SPATA31C2: variants seen among roughly 807,000 people sequenced by gnomAD.
SPATA31C2 encodes spermatogenesis-associated protein 31C2.
SPATA31C2 carries 5 observed loss-of-function variants against 11.4 expected under a neutral mutation model. The observed-to-expected ratio is 0.44, with a 90% CI of 0.23 to 0.92. The LOEUF is 0.92. SPATA31C2 is among the 40% of genes least tolerant of loss of function. SPATA31C2 has a pLI of 0.24. For synonymous variants in SPATA31C2, 515 were observed against 538.7 expected (o/e 0.96, Z 0.61); for missense variants, 1,353 against 1,368.6 (o/e 0.99, Z 0.18).
Position 88,131,950 on chromosome 9 carries a change from C to T in SPATA31C2, c.1087G>A (p.Val363Ile), listed in dbSNP as rs779742712. 1 of 1,610,844 alleles carries T rather than the reference C, an allele frequency of 6.2e-7. No homozygotes were observed. The highest frequency in any genetic ancestry group is 1.3e-5 in the African/African-American group (1 of 74,860). Reference protein sequence around the residue: ...AQAHLQSSFPVLSPAFLSPMK... With the variant: ...AQAHLQSSFPILSPAFLSPMK... ...GGGGATAGAAAAGCAGGAGATAGGA[C>T]TGGGAAAGAGGATTGAAGATGGGCC... The change falls in exon 4 of 4, where the codon GTC becomes ATC. Residue 363 changes from valine (V) to isoleucine (I), a missense_variant. By Grantham distance (29) the Val-to-Ile change is conservative. Transcript: ENST00000324915.
chr9:88,134,023 G>A (rs1332286267), intron 1 of SPATA31C2, among the ~76,000 whole-genome samples: 27 of 151,192 alleles, frequency 1.8e-4, no homozygotes, highest in Non-Finnish European at 2.4e-4. Context: ...GCGTGGTGGC[G>A]GGCGCCTGTA....
Position 88,130,872 on chromosome 9 carries a change from T to G in SPATA31C2, c.2165A>C (p.Lys722Thr). 6.2e-7 allele frequency: 1 copy of G among 1,613,712 alleles called. No homozygotes were observed. The highest frequency in any genetic ancestry group is 8.5e-7 in the Non-Finnish European group (1 of 1,179,866). Residue 722 changes from lysine (K) to threonine (T), a missense_variant, in exon 4 of 4, where the codon AAA becomes ACA. Coordinates refer to ENST00000324915, the MANE Select transcript of SPATA31C2 (RefSeq NM_001350978.3). ...MASLRKQVLT[K>T]PSVHMPERLQ... is the part of the protein sequence containing the mutation. Reference sequence around the variant, plus strand: ...CCTCTCTGGCATGTGAACAGATGGTTTGGTCAGCACCTGCTTTCTCAGACT... The same window carrying G: ...CCTCTCTGGCATGTGAACAGATGGTGTGGTCAGCACCTGCTTTCTCAGACT...
intron 1 of SPATA31C2, among the ~76,000 whole-genome samples, 187 bp from the exon 2 acceptor site, chr9:88,133,856 A>AG (rs1469097680): frequency 6.6e-6 from 1 of 152,132 alleles, no homozygotes; most frequent in Non-Finnish European, 1.5e-5. Context: ...AAACAGGAAG[A>AG]GGGGGTCGGG....
Position 88,131,677 on chromosome 9 carries a change from C to G in SPATA31C2, c.1360G>C (p.Glu454Gln). 4.3e-6 allele frequency: 7 copies of G among 1,612,018 alleles called. No homozygotes were observed. The highest frequency in any genetic ancestry group is 4.2e-6 in the Non-Finnish European group (5 of 1,179,860). Residue 454 changes from glutamate (E) to glutamine (Q), a missense_variant, in exon 4 of 4, where the codon GAG (glutamate) becomes CAG (glutamine). Physicochemically the swap from Glu to Gln is conservative, Grantham distance 29 (BLOSUM62 2). Coordinates refer to ENST00000324915, the MANE Select transcript of SPATA31C2 (RefSeq NM_001350978.3). The stretch of plus-strand genomic sequence containing the variant: ...CTTCCACGTTGCCCCATGTGTTGCT[C>G]CAGTTGTCTCCAGAGTTCAGGACTG... Reference protein sequence around the residue: ...PVSPELWRQLEQHMGQRGRIQ... With the variant: ...PVSPELWRQLQQHMGQRGRIQ...
chr9:88,133,651 G>T lies in SPATA31C2; in HGVS notation c.208C>A (p.Arg70Ser), dbSNP rs367674816. Residue 70 changes from arginine to serine, a missense_variant, in exon 2 of 4, where the codon CGT (arginine) becomes AGT (serine). This residue lies in a region of SPATA31C2 where 67 missense variants were observed against 41.4 expected (regional missense o/e 1.62). Transcript: ENST00000324915. Reference protein sequence around the residue: ...RKRKRHLVSQRPAGRRGRPRG... With the variant: ...RKRKRHLVSQSPAGRRGRPRG... ...GGCCTCCCCCTCCGCCCTGCTGGAC[G>T]CTGGGAGACAAGATGACGCTGGGAG... is the stretch of plus-strand genomic sequence containing the variant. 31 of 1,440,354 alleles carry T rather than the reference G, an allele frequency of 2.2e-5. No individual in the cohort carries two copies. Among genetic ancestry groups the T allele is most frequent in the Non-Finnish European group, 2.7e-5 (29 of 1,084,504 alleles). The allele number at this position is 1,440,354 out of a possible 1,614,324, so 89.2% of individuals were successfully genotyped here. A position where few individuals can be genotyped will look rare whatever the true frequency, so the allele number is the denominator to read the frequency against.
Position 88,129,635 on chromosome 9 carries a change from C to T in SPATA31C2, c.3402G>A (p.Gln1134=). 6.2e-7 allele frequency: 1 copy of T among 1,602,978 alleles called. No individual in the cohort carries two copies. Among genetic ancestry groups the T allele is most frequent in the Non-Finnish European group, 8.5e-7 (1 of 1,172,842 alleles). The change falls in exon 4 of 4, where the codon CAG becomes CAA. Residue 1134 remains glutamine (Q), a synonymous_variant. Coordinates refer to ENST00000324915, the MANE Select transcript of SPATA31C2 (RefSeq NM_001350978.3). ...TGCACCGGACACTTTTCAAGGGCTA[C>T]TGATCTCTGATTTGTCTGTCTCTGT... ...RPNRDRQIRD[Q]
Position 88,130,060 on chromosome 9 carries a change from C to T in SPATA31C2, c.2977G>A (p.Gly993Ser). The T allele has an allele frequency of 1.9e-6, 3 of 1,608,122 alleles. No homozygotes were observed. The highest frequency in any genetic ancestry group is 2.5e-6 in the Non-Finnish European group (3 of 1,177,160). The change falls in exon 4 of 4, where the codon GGC (glycine) becomes AGC (serine). Residue 993 changes from glycine to serine, a missense_variant. Around this residue, in one of 6 missense-constraint regions of SPATA31C2, gnomAD observed 187 missense variants for 205.8 expected, o/e 0.91. Transcript: ENST00000324915. ...RKTEDTRQNEGVQLLPSKKQP... is the reference protein window; with the variant it reads ...RKTEDTRQNESVQLLPSKKQP... ...TTCTTTGATGGCAGTAGCTGGACGC[C>T]TTCATTCTGACGGGTGTCTTCTGTT...
intron 1 of SPATA31C2, among the ~76,000 whole-genome samples, chr9:88,134,015 G>A (rs1436861237): frequency 2.0e-5 from 3 of 151,388 alleles, no homozygotes; most frequent in Non-Finnish European, 2.9e-5. Context: ...TTAGCCAGGC[G>A]TGGTGGCGGG....
rs376256695 is a variant in SPATA31C2 at position 88,130,384 on chromosome 9, C to T, written c.2653G>A (p.Ala885Thr). ...ATVVLLPDGQ[A>T]SVVPHASENL... ...TCTGAAGCATGGGGCACAACAGATGCTTGCCCATCTGGAAGGAGCACAACA... is the reference window on the plus strand; with the variant it reads ...TCTGAAGCATGGGGCACAACAGATGTTTGCCCATCTGGAAGGAGCACAACA... Residue 885 changes from alanine (A) to threonine (T), a missense_variant, in exon 4 of 4, where the codon GCA (alanine) becomes ACA (threonine). Physicochemically the swap from Ala to Thr is moderately conservative, Grantham distance 58 (BLOSUM62 0). Transcript: ENST00000324915. 2.4e-5 allele frequency: 38 copies of T among 1,611,192 alleles called. No homozygotes were observed. The African/African-American group carries it at 4.7e-4, about 20-fold the overall frequency.
rs752678468 is a variant in SPATA31C2, at chr9:88,130,784, C to T, written c.2253G>A (p.Ser751=). 1.2e-4 allele frequency: 198 copies of T among 1,612,500 alleles called. No individual in the cohort carries two copies. Among genetic ancestry groups the T allele is most frequent in the Non-Finnish European group, 1.4e-4 (165 of 1,179,368 alleles). ...GAGCCTTCAAGGACCCATGATCATT[C>T]GAAGATGGGATCCCTCGCGGGGCCC... ...FQRAPRGIPS[S]NDHGSLKAPT... is the part of the protein sequence containing the mutation. Residue 751 remains serine (S), a synonymous_variant, in exon 4 of 4, where the codon TCG becomes TCA. Transcript: ENST00000324915.
rs1825608875 is a variant in SPATA31C2 at position 88,132,138 on chromosome 9, T to C, written c.899A>G (p.Asn300Ser). Residue 300 changes from asparagine (N) to serine (S), a missense_variant, in exon 4 of 4, where the codon AAC (asparagine) becomes AGC (serine). By Grantham distance (46) the Asn-to-Ser change is conservative. Around this residue, in one of 6 missense-constraint regions of SPATA31C2, gnomAD observed 1,075 missense variants for 992.8 expected, o/e 1.08. Coordinates refer to ENST00000324915, the MANE Select transcript of SPATA31C2 (RefSeq NM_001350978.3). ...AAGATGATCTTGCTGGACTGACGAG[T>C]TGAAGACGCACCAGGTTTTGGTAGT... is the stretch of plus-strand genomic sequence containing the variant. Reference protein sequence around the residue: ...QETTKTWCVFNSSVQQDHLSR... With the variant: ...QETTKTWCVFSSSVQQDHLSR... 1.9e-6 allele frequency: 3 copies of C among 1,610,520 alleles called. No homozygotes were observed. The highest frequency in any genetic ancestry group is 1.7e-6 in the Non-Finnish European group (2 of 1,177,552).
Position 88,132,061 on chromosome 9 carries a change from G to C in SPATA31C2, c.976C>G (p.Leu326Val). 1 of 1,610,838 alleles carries C rather than the reference G, an allele frequency of 6.2e-7. No homozygotes were observed. The highest frequency in any genetic ancestry group is 8.5e-7 in the Non-Finnish European group (1 of 1,177,678). ...TGGGACTCAGGCTCCAGATGGGACA[G>C]GGGCTGGGCCTGGAAAAGCAGTGGG... ...MSPLLFQAQP[L>V]SHLEPESQPF... Residue 326 changes from leucine (L) to valine (V), a missense_variant, in exon 4 of 4, where the codon CTG (leucine) becomes GTG (valine). Physicochemically the swap from Leu to Val is conservative, Grantham distance 32. This residue lies in a region of SPATA31C2 where 1,075 missense variants were observed against 992.8 expected (regional missense o/e 1.08). Transcript: ENST00000324915.
At chr9:88,137,326 T>TA (rs61693744) in intron 1 of SPATA31C2, among the ~76,000 whole-genome samples, 34,218 of 140,460 alleles carry the variant, frequency 0.24, 3,605 homozygotes, top group East Asian at 0.34. Context: ...ATGTCTTTAT[T>TA]AAAAAAAAAA....
Position 88,130,978 on chromosome 9 carries a change from C to T in SPATA31C2, c.2059G>A (p.Gly687Ser), listed in dbSNP as rs548723809. The stretch of plus-strand genomic sequence containing the variant: ...GATTCGCAGGTGTCTGAGGAGGGAC[C>T]AGCAAGCTGTATAAGGGACAAGGAT... ...VSSLSLIQLAGPSSDTCESGA... is the reference protein window; with the variant it reads ...VSSLSLIQLASPSSDTCESGA... The change falls in exon 4 of 4, where the codon GGT (glycine) becomes AGT (serine). Residue 687 changes from glycine (G) to serine (S), a missense_variant. By Grantham distance (56) the Gly-to-Ser change is moderately conservative. This residue lies in a region of SPATA31C2 where 1,075 missense variants were observed against 992.8 expected (regional missense o/e 1.08). Coordinates refer to ENST00000324915, the MANE Select transcript of SPATA31C2 (RefSeq NM_001350978.3). 7 of 1,612,652 alleles carry T rather than the reference C, an allele frequency of 4.3e-6. No homozygotes were observed. Among genetic ancestry groups the T allele is most frequent in the African/African-American group, 4.0e-5 (3 of 74,990 alleles).
chr9:88,137,363 G>A (rs1435094424), intron 1 of SPATA31C2, among the ~76,000 whole-genome samples: 1 of 146,598 alleles, frequency 6.8e-6, no homozygotes, highest in Non-Finnish European at 1.5e-5. Context: ...GGTGGCTCAT[G>A]CCTGTAATCC....
chr9:88,133,987 C>T (rs531722157), intron 1 of SPATA31C2, among the ~76,000 whole-genome samples: 1 of 152,014 alleles, frequency 6.6e-6, no homozygotes, highest in South Asian at 2.1e-4. Flanking sequence ...AACCCCATCT[C>T]TACTAAAAAT....
In SPATA31C2 at chr9:88,131,064, C is replaced by T. The variant is rs756624036; in HGVS notation, c.1973G>A (p.Arg658Lys). ...GAGGACCCTGAGGGGTAGACCCCAC[C>T]TGTGTTTGGCCCAAAACCTCACAAT... The part of the protein sequence containing the change: ...AHIVRFWAKH[R>K]WGLPLRVLKP... The change falls in exon 4 of 4, where the codon AGG (arginine) becomes AAG (lysine). Residue 658 changes from arginine to lysine, a missense_variant. This residue lies in a region of SPATA31C2 where 1,075 missense variants were observed against 992.8 expected (regional missense o/e 1.08). Transcript: ENST00000324915. 1.9e-6 allele frequency: 3 copies of T among 1,612,034 alleles called. No homozygotes were observed. Among genetic ancestry groups the T allele is most frequent in the Non-Finnish European group, 2.5e-6 (3 of 1,179,866 alleles).
rs1417140067 is a variant in SPATA31C2 at position 88,132,337 on chromosome 9, G to C, written c.700C>G (p.Pro234Ala). The C allele has an allele frequency of 6.2e-7, 1 of 1,611,030 alleles. No homozygotes were observed. The highest frequency in any genetic ancestry group is 8.5e-7 in the Non-Finnish European group (1 of 1,177,928). Residue 234 changes from proline (P) to alanine (A), a missense_variant, in exon 4 of 4, where the codon CCC becomes GCC. Transcript: ENST00000324915. Reference sequence around the variant, plus strand: ...GTTAACAGAGTGGAGTCCCGCAGGGGAGGAGGAGTGAAGCCTTTCGGAGGA... The same window carrying C: ...GTTAACAGAGTGGAGTCCCGCAGGGCAGGAGGAGTGAAGCCTTTCGGAGGA... Reference protein sequence around the residue: ...PPPPKGFTPPPLRDSTLLTPS... With the variant: ...PPPPKGFTPPALRDSTLLTPS...
chr9:88,135,664 A>ATGTG, intron 1 of SPATA31C2, among the ~76,000 whole-genome samples: 1 of 134,736 alleles, frequency 7.4e-6, no homozygotes, highest in African/African-American at 3.1e-5. Context: ...GGCGCCCACC[A>ATGTG]CCACCACGCC....
Sources: allele counts gnomAD v4.1 joint callset (sites outside exome capture counted in the v4.1 genomes callset), GRCh38; gene constraint gnomAD v4.1.1; regional missense constraint gnomAD v4.1.1; transcripts MANE v1.5; gene names NCBI Gene and HGNC (gene_info 2026-07-23, HGNC 2026-07-21).